Variants in FAM217B observed in about 807,000 individuals in gnomAD.
The protein encoded by FAM217B is family with sequence similarity 217 member B.
For synonymous variants in FAM217B, 163 were observed against 173.0 expected (o/e 0.94, Z 0.45); for missense variants, 463 against 456.9 (o/e 1.01, Z -0.12).
At chr20:59,943,265 G>A (rs73309272) in intron 3 of FAM217B, among the ~76,000 whole-genome samples, 1 of 152,032 alleles carries the variant, frequency 6.6e-6, no homozygotes, top group Admixed American at 6.5e-5. Flanking sequence ...GTAACACTAA[G>A]ACCCTGTGTT....
Position 59,944,964 on chromosome 20 carries a change from G to A in FAM217B, c.1021G>A (p.Ala341Thr). 1 of 1,614,160 alleles carries A rather than the reference G, an allele frequency of 6.2e-7. No individual in the cohort carries two copies. The highest frequency in any genetic ancestry group is 1.1e-5 in the South Asian group (1 of 91,084). The stretch of plus-strand genomic sequence containing the variant: ...TCTGGACTCAGCAGATTCCTGTAAG[G>A]CCTCCAAAACACAAGCACATGCACA... ...VILDSADSCK[A>T]SKTQAHAHPR... The change falls in exon 4 of 4, where the codon GCC becomes ACC. Residue 341 changes from alanine (A) to threonine (T), a missense_variant. By Grantham distance (58) the Ala-to-Thr change is moderately conservative (BLOSUM62 0). Transcript: ENST00000360816.
intron 1 of FAM217B, among the ~76,000 whole-genome samples, chr20:59,941,672 A>G (rs898196274): frequency 6.6e-6 from 1 of 152,206 alleles, no homozygotes; most frequent in Non-Finnish European, 1.5e-5. Flanking sequence ...TAATGGATTG[A>G]TGTGATAGAG....
At position 59,944,702 on chromosome 20, in the gene FAM217B, C is replaced by T; in HGVS notation, c.759C>T (p.His253=). Residue 253 remains histidine (H), a synonymous_variant, in exon 4 of 4, where the codon CAC becomes CAT. Transcript: ENST00000360816. ...GCCCTTCCCGAAAGAAAGCTTTTCACCATGAAGAAATCCACCCATCACATT... is the reference window on the plus strand; with the variant it reads ...GCCCTTCCCGAAAGAAAGCTTTTCATCATGAAGAAATCCACCCATCACATT... ...KSGPSRKKAF[H]HEEIHPSHYA... The T allele has an allele frequency of 6.2e-7, 1 of 1,614,160 alleles. No individual in the cohort carries two copies. The highest frequency in any genetic ancestry group is 8.5e-7 in the Non-Finnish European group (1 of 1,180,036).
intron 1 of FAM217B, among the ~76,000 whole-genome samples, chr20:59,934,617 C>CTT (rs570856976): frequency 1.3e-5 from 2 of 152,178 alleles, no homozygotes; most frequent in African/African-American, 4.8e-5. Flanking sequence ...TGCAGCAAAC[C>CTT]ACCTTTGGAT....
At chr20:59,940,119 G>A (rs1018588819), upstream of FAM217B, 2 of 427,688 alleles carry the variant, frequency 4.7e-6, no homozygotes, top group Non-Finnish European at 8.3e-6. Flanking sequence ...CAGGTCCTCC[G>A]CTTCTTGCGG....
rs1238588056 is a variant in FAM217B, at chr20:59,948,636, CTCCT to C, written c.*3547_*3550del. 1 of 166,882 alleles carries C rather than the reference CTCCT, an allele frequency of 6.0e-6. No individual in the cohort carries two copies. The highest frequency in any genetic ancestry group is 1.5e-5 in the Non-Finnish European group (1 of 68,098). 10.3% of individuals were successfully genotyped at this position (166,882 alleles called of 1,614,324 possible). A position where few individuals can be genotyped will look rare whatever the true frequency, so the allele number is the denominator to read the frequency against. ...TGTAAGTTTTTGTGGACTTGAATTT[CTCCT>C]TCCTTGAGATCAATTAAACAGCAGA... On this transcript the variant is annotated 3_prime_UTR_variant, in exon 4 of 4. Coordinates refer to ENST00000360816, the MANE Select transcript of FAM217B (RefSeq NM_022106.3).
At position 59,940,400 on chromosome 20, in the gene FAM217B, G is replaced by A. The variant is rs1245240434; in HGVS notation, c.-338G>A. On this transcript the variant is annotated 5_prime_UTR_variant, in exon 1 of 4. Coordinates refer to ENST00000360816, the MANE Select transcript of FAM217B (RefSeq NM_022106.3). ...CCCCCGCCGGCCTCAGCTCAGCCAG[G>A]GAGCTCAGCGGAGCTGCGCGCCTCC... 4.6e-5 allele frequency: 7 copies of A among 152,426 alleles called. No homozygotes were observed. The highest frequency in any genetic ancestry group is 9.6e-5 in the African/African-American group (4 of 41,452). The allele number at this position is 152,426 out of a possible 1,614,324, so 9.4% of individuals were successfully genotyped here.
upstream of FAM217B, chr20:59,940,029 G>C: frequency 9.5e-7 from 1 of 1,052,848 alleles, no homozygotes; most frequent in Admixed American, 4.3e-5. Context: ...AGAGTCCACC[G>C]TATCTGCAAC....
At chr20:59,939,272 C>T (rs1303461971), upstream of FAM217B, 1 of 1,612,336 alleles carries the variant, frequency 6.2e-7, no homozygotes, top group Non-Finnish European at 8.5e-7. Context: ...GCCACCGCGC[C>T]ACCGCCTCGT....
At chr20:59,938,992 C>G, upstream of FAM217B, 3 of 1,470,054 alleles carry the variant, frequency 2.0e-6, no homozygotes, top group Non-Finnish European at 2.7e-6. Flanking sequence ...GGAGGCGCAG[C>G]TTAGGTGTGG....
Position 59,948,389 on chromosome 20 carries a change from T to A in FAM217B, c.*3294T>A, listed in dbSNP as rs918084864. The A allele has an allele frequency of 6.0e-6, 1 of 167,074 alleles. No homozygotes were observed. Among genetic ancestry groups the A allele is most frequent in the African/African-American group, 2.4e-5 (1 of 41,460 alleles). 10.3% of individuals were successfully genotyped at this position (167,074 alleles called of 1,614,324 possible). A position where few individuals can be genotyped will look rare whatever the true frequency, so the allele number is the denominator to read the frequency against. On this transcript the variant is annotated 3_prime_UTR_variant, in exon 4 of 4. Coordinates refer to ENST00000360816, the MANE Select transcript of FAM217B (RefSeq NM_022106.3). ...ACATAAGACTTTCTACTTTATCTGA[T>A]ATGGATATCGTCTACTTCCTCATTC...
chr20:59,939,388 C>T (rs2145946552), upstream of FAM217B: 1 of 1,610,772 alleles, frequency 6.2e-7, no homozygotes, highest in Non-Finnish European at 8.5e-7. Context: ...GAGCAAGTGA[C>T]ACGCTCCAGG....
rs1256062089 is a variant in FAM217B, at chr20:59,940,445, C to T, written c.-293C>T. 2 of 152,190 alleles carry T rather than the reference C, an allele frequency of 1.3e-5. No homozygotes were observed. The highest frequency in any genetic ancestry group is 2.9e-5 in the Non-Finnish European group (2 of 68,068). The allele number at this position is 152,190 out of a possible 1,614,324, so 9.4% of individuals were successfully genotyped here. ...GCCTCCGCCTCCAGCTCCCCTGCCG[C>T]AGCGCGCCGCAGCCGGGCGTCCCCG... is the stretch of plus-strand genomic sequence containing the variant. On this transcript the variant is annotated 5_prime_UTR_variant, in exon 1 of 4. Coordinates refer to ENST00000360816, the MANE Select transcript of FAM217B (RefSeq NM_022106.3).
chr20:59,933,803 A>AGGCCTGAGCCGCG (rs2060828551), exon 1 of FAM217B: 1 of 119,442 alleles, frequency 8.4e-6, no homozygotes, highest in African/African-American at 3.2e-5. Context: ...GGGTCGCCCG[A>AGGCCTGAGCCGCG]GGCCTGAGCC....
upstream of FAM217B, chr20:59,937,135 A>G (rs2060867343): frequency 6.6e-6 from 1 of 152,668 alleles, no homozygotes; most frequent in Admixed American, 6.5e-5. Flanking sequence ...CTTTTTGGCA[A>G]GTGACTTTCA....
At chr20:59,935,010 A>C (rs1023824108) in intron 1 of FAM217B, among the ~76,000 whole-genome samples, 6 of 152,216 alleles carry the variant, frequency 3.9e-5, no homozygotes, top group Non-Finnish European at 7.3e-5. Context: ...TACATATGCA[A>C]TCTAAGGTAC....
chr20:59,937,295 A>G (rs1471031374), upstream of FAM217B: 3 of 152,696 alleles, frequency 2.0e-5, no homozygotes, highest in Non-Finnish European at 4.4e-5. Context: ...CTAATTGGAC[A>G]GTTTGTTAAA....
chr20:59,942,213 G>A lies in FAM217B; in HGVS notation c.-187G>A, dbSNP rs530081469. Reference sequence around the variant, plus strand: ...TTGCTTCTAGTTCCGGTGGTGAGGAGACCTTTCCAAATATAAGAGGAATAA... The same window carrying A: ...TTGCTTCTAGTTCCGGTGGTGAGGAAACCTTTCCAAATATAAGAGGAATAA... On this transcript the variant is annotated 5_prime_UTR_variant, in exon 2 of 4. Transcript: ENST00000360816. 8.5e-5 allele frequency: 13 copies of A among 152,698 alleles called. No homozygotes were observed. Among genetic ancestry groups the A allele is most frequent in the African/African-American group, 2.9e-4 (12 of 41,552 alleles). The allele number at this position is 152,698 out of a possible 1,614,324, so 9.5% of individuals were successfully genotyped here.
At chr20:59,938,794 C>T (rs908337797), upstream of FAM217B, 24 of 387,332 alleles carry the variant, frequency 6.2e-5, no homozygotes, top group Non-Finnish European at 1.0e-4. Context: ...CACCCTGCCC[C>T]AACTCATTAC....
Sources: gnomAD v4.1 joint callset for allele counts (sites outside exome capture counted in the v4.1 genomes callset) on GRCh38, gnomAD v4.1.1 for gene constraint, MANE v1.5 for transcripts, NCBI Gene and HGNC (gene_info 2026-07-23, HGNC 2026-07-21) for gene names.